RBFOX1: variants seen among roughly 807,000 people sequenced by gnomAD.
RBFOX1 encodes RNA binding fox-1 homolog 1, also known as RNA binding protein fox-1 homolog 1.
RBFOX1 carries 8 observed loss-of-function variants against 57.7 expected under a neutral mutation model. The ratio of observed to expected loss-of-function variants is 0.14; its 90% CI spans 0.08 to 0.25. The LOEUF is 0.25. Ranked by LOEUF, RBFOX1 falls within the 10% of genes least tolerant of loss-of-function variation. The pLI, the probability that RBFOX1 is intolerant of heterozygous loss-of-function variation, is 1.00. For synonymous variants in RBFOX1, 326 were observed against 222.4 expected, an observed-to-expected ratio of 1.47 and a Z score of -4.15; for missense variants, 611 against 548.5, an observed-to-expected ratio of 1.11 and a Z score of -1.14.
At chr16:6,926,790 T>C (rs1567916321) in intron 3 of RBFOX1, among the ~76,000 whole-genome samples, 1 of 152,124 alleles carries the variant, frequency 6.6e-6, no homozygotes, top group Non-Finnish European at 1.5e-5. Flanking sequence ...GTCTCTTGAG[T>C]TCTTAAAATT....
chr16:7,636,620 G>C (rs760514788), intron 11 of RBFOX1, among the ~76,000 whole-genome samples: 6 of 152,202 alleles, frequency 3.9e-5, no homozygotes, highest in African/African-American at 1.4e-4. Flanking sequence ...CCTGTCAAGA[G>C]CAAGTTTTGT....
intron 3 of RBFOX1, chr16:5,610,431 C>T (rs906795743): frequency 6.6e-6 from 1 of 152,196 alleles, no homozygotes; most frequent in African/African-American, 2.4e-5. Context: ...GGTCACACAG[C>T]TAGGAAAGGG....
At chr16:5,843,684 A>G (rs984581590) in intron 3 of RBFOX1, among the ~76,000 whole-genome samples, 4 of 152,238 alleles carry the variant, frequency 2.6e-5, no homozygotes, top group Non-Finnish European at 1.5e-5. Context: ...CAAGGTAGCC[A>G]TGTTATAGAT....
Position 7,518,290 on chromosome 16 carries a change from G to T in RBFOX1, c.171G>T (p.Thr57=). ...HPAPEYTGQT[T]VPEHTLNLYP... is the part of the protein sequence containing the mutation. The stretch of plus-strand genomic sequence containing the variant: ...CGCCAGAGTACACAGGCCAGACCAC[G>T]GTTCCCGAGCACACATTAAACCTGT... The change falls in exon 5 of 16, where the codon ACG becomes ACT. Residue 57 remains threonine, a synonymous_variant. Coordinates refer to ENST00000550418, the MANE Select transcript of RBFOX1 (RefSeq NM_018723.4). 6.2e-7 allele frequency: 1 copy of T among 1,614,084 alleles called. No individual in the cohort carries two copies. The highest frequency in any genetic ancestry group is 1.1e-5 in the South Asian group (1 of 91,074).
chr16:6,939,507 T>TTTTC (rs111661266), intron 3 of RBFOX1, among the ~76,000 whole-genome samples: 45,338 of 129,834 alleles, frequency 0.35, 7,195 homozygotes, highest in African/African-American at 0.52. Context: ...TTTTTCTTTC[T>TTTTC]TTTTTTTTTT....
intron 4 of RBFOX1, among the ~76,000 whole-genome samples, chr16:5,976,537 C>T (rs2060066500): frequency 6.6e-6 from 1 of 152,084 alleles, no homozygotes; most frequent in Admixed American, 6.6e-5. Flanking sequence ...CTAAGGTATT[C>T]TGAGGAACAT....
At chr16:6,843,115 T>C (rs1167603564) in intron 3 of RBFOX1, among the ~76,000 whole-genome samples, 2 of 152,338 alleles carry the variant, frequency 1.3e-5, no homozygotes, top group African/African-American at 2.4e-5. Flanking sequence ...AGGTTGTTTC[T>C]TATTGTTGTT....
rs1447298900 is a variant in RBFOX1, at chr16:6,895,422, G to A, written c.-15-156635G>A. ...GCCACTAGTTGTTAGTAATATATGT[G>A]TGTGTGTGTGTGTGTGTGTGTGTGT... On this transcript the variant is annotated intron_variant, in intron 3 of 15. Coordinates refer to ENST00000550418, the MANE Select transcript of RBFOX1 (RefSeq NM_018723.4). Among the ~76,000 whole-genome samples the A allele has an allele frequency of 1.9e-4, 6 of 31,956 alleles. No homozygotes were observed. The East Asian group carries it at 3.2e-3, about 17-fold the overall frequency. 21.0% of individuals were successfully genotyped at this position (31,956 alleles called of 152,430 possible).
intron 1 of RBFOX1, among the ~76,000 whole-genome samples, chr16:6,024,385 TG>T (rs1335578434): frequency 6.6e-6 from 1 of 152,094 alleles, no homozygotes; most frequent in Non-Finnish European, 1.5e-5. Flanking sequence ...GATAGTGACT[TG>T]GGGGGACATT....
intron 11 of RBFOX1, among the ~76,000 whole-genome samples, chr16:7,644,096 A>G (rs574387029): frequency 7.2e-5 from 11 of 152,278 alleles, no homozygotes; most frequent in African/African-American, 2.6e-4. Context: ...AGAAGTAGAA[A>G]GCTTTTCCCG....
chr16:6,749,130 G>C (rs1050585369), intron 3 of RBFOX1, among the ~76,000 whole-genome samples: 1 of 152,184 alleles, frequency 6.6e-6, no homozygotes, highest in East Asian at 1.9e-4. Flanking sequence ...GCAACTACTA[G>C]GAAGGCCGGA....
chr16:7,078,545 G>T (rs1681199794), intron 4 of RBFOX1, among the ~76,000 whole-genome samples: 1 of 151,676 alleles, frequency 6.6e-6, no homozygotes. Flanking sequence ...TCAGGGTTTT[G>T]CCGTGTTGGC....
chr16:7,032,173 C>T (rs545201357), intron 3 of RBFOX1, among the ~76,000 whole-genome samples: 108 of 151,928 alleles, frequency 7.1e-4, no homozygotes, highest in Non-Finnish European at 1.4e-3. Context: ...ACCTGTAATC[C>T]CAGTTCTTTG....
Position 6,007,380 on chromosome 16 carries a change from G to A in RBFOX1, c.351+140045G>A, listed in dbSNP as rs576370604. Among the ~76,000 whole-genome samples, 20 of 152,310 alleles carry A rather than the reference G, an allele frequency of 1.3e-4. No homozygotes were observed. In the South Asian group the frequency reaches 3.9e-3, roughly 30 times the overall value. On this transcript the variant is annotated intron_variant, in intron 4 of 19. Transcript: ENST00000641259. The stretch of plus-strand genomic sequence containing the variant: ...AGGCACTGAGGGTGACCAGTAGCCT[G>A]AAGCCCCCAAGGAACTGAATCCTGC...
In RBFOX1 at chr16:7,216,683, C is replaced by T. The variant is rs143639463; in HGVS notation, c.27+164585C>T. Among the ~76,000 whole-genome samples the T allele has an allele frequency of 2.2e-3, 336 of 151,956 alleles. 4 individuals carry two copies. The highest frequency in any genetic ancestry group is 7.3e-3 in the African/African-American group (302 of 41,474). ...AATAAAATAAAAATTAAAAAACCCACAAACAAACCGAGACAATGAGTGTAG... is the reference window on the plus strand; with the variant it reads ...AATAAAATAAAAATTAAAAAACCCATAAACAAACCGAGACAATGAGTGTAG... On this transcript the variant is annotated intron_variant, in intron 4 of 15. Transcript: ENST00000550418.
chr16:5,456,437 A>C (rs982092104), intron 1 of RBFOX1, among the ~76,000 whole-genome samples: 8 of 152,192 alleles, frequency 5.3e-5, no homozygotes, highest in Non-Finnish European at 1.2e-4. Context: ...GTGGAAATAG[A>C]ATCATTCTTG....
chr16:6,769,783 C>G (rs140334002), intron 3 of RBFOX1, among the ~76,000 whole-genome samples: 8 of 152,286 alleles, frequency 5.3e-5, no homozygotes, highest in South Asian at 2.1e-4. Context: ...AAACTTACCT[C>G]TAGAAAAGTC....
At chr16:5,429,891 T>C (rs1315785959) in intron 1 of RBFOX1, among the ~76,000 whole-genome samples, 1 of 152,200 alleles carries the variant, frequency 6.6e-6, no homozygotes, top group Non-Finnish European at 1.5e-5. Flanking sequence ...CCTGCCCTCC[T>C]GAAGCTGACA....
chr16:6,225,298 G>A (rs1433251315), intron 1 of RBFOX1, among the ~76,000 whole-genome samples: 1 of 152,092 alleles, frequency 6.6e-6, no homozygotes, highest in African/African-American at 2.4e-5. Context: ...AGGGTTTGAT[G>A]TTTAGCAGGA....
Sources: gnomAD v4.1 joint callset for allele counts (sites outside exome capture counted in the v4.1 genomes callset) on GRCh38, gnomAD v4.1.1 for gene constraint, MANE v1.5 for transcripts, NCBI Gene and HGNC (gene_info 2026-07-23, HGNC 2026-07-21) for gene names.